Variants in KAZN observed in about 807,000 individuals in gnomAD.
KAZN encodes kazrin.
A neutral mutation model predicts 87.4 loss-of-function variants in KAZN; 40 were observed. That is an observed-to-expected ratio of 0.46 (90% CI 0.36 to 0.60). The LOEUF (loss-of-function observed/expected upper bound fraction) is 0.60, where lower values mean the gene tolerates loss of function less well. Ranked by LOEUF, KAZN falls within the 20% of genes least tolerant of loss-of-function variation. The pLI is 0.00. For missense variants in KAZN, 898 were observed against 1,073.9 expected (o/e 0.84, Z 2.29); for synonymous variants, 466 against 458.3 (o/e 1.02, Z -0.22).
chr1:14,528,468 C>T (rs1198217773), intron 2 of KAZN, among the ~76,000 whole-genome samples: 4 of 151,936 alleles, frequency 2.6e-5, no homozygotes, highest in East Asian at 3.9e-4. Context: ...TACCTATCCA[C>T]GTGATGACCT....
chr1:14,522,207 A>C (rs1489038792), intron 2 of KAZN, among the ~76,000 whole-genome samples: 2 of 152,162 alleles, frequency 1.3e-5, no homozygotes, highest in South Asian at 2.1e-4. Context: ...CTCCTGGCAT[A>C]GGCACGGCTG....
At chr1:15,022,974 C>T (rs1206559045) in intron 2 of KAZN, among the ~76,000 whole-genome samples, 1 of 152,228 alleles carries the variant, frequency 6.6e-6, no homozygotes, top group East Asian at 1.9e-4. Flanking sequence ...TTAACCCTTT[C>T]CTTTACCTGC....
chr1:14,933,070 G>T (rs560540591), intron 1 of KAZN, among the ~76,000 whole-genome samples: 1 of 152,094 alleles, frequency 6.6e-6, no homozygotes, highest in African/African-American at 2.4e-5. Flanking sequence ...GGATCACACC[G>T]TAGTTGCAGG....
intron 2 of KAZN, among the ~76,000 whole-genome samples, chr1:14,585,502 C>A (rs191649464): frequency 1.7e-3 from 254 of 152,270 alleles, no homozygotes; most frequent in African/African-American, 5.7e-3. Flanking sequence ...ACGTTCTTCC[C>A]ACGCAGGATC....
At chr1:14,420,647 T>C (rs565647733) in intron 2 of KAZN, among the ~76,000 whole-genome samples, 250 of 152,310 alleles carry the variant, frequency 1.6e-3, no homozygotes, top group African/African-American at 5.7e-3. Context: ...AGCCCTGCCA[T>C]GCCGGGAGGC....
At chr1:14,329,941 A>T (rs1407009077) in intron 2 of KAZN, among the ~76,000 whole-genome samples, 1 of 152,232 alleles carries the variant, frequency 6.6e-6, no homozygotes, top group Non-Finnish European at 1.5e-5. Context: ...TTCATAAAAC[A>T]TGCAATAAAT....
intron 2 of KAZN, among the ~76,000 whole-genome samples, chr1:14,962,586 C>G (rs1664009503): frequency 6.6e-6 from 1 of 152,232 alleles, no homozygotes; most frequent in Non-Finnish European, 1.5e-5. Flanking sequence ...GAATCTCCCA[C>G]AAGCAAGTGC....
At chr1:14,805,957 C>G (rs1177798933) in intron 1 of KAZN, among the ~76,000 whole-genome samples, 1 of 152,214 alleles carries the variant, frequency 6.6e-6, no homozygotes, top group Non-Finnish European at 1.5e-5. Flanking sequence ...GAACAACTAG[C>G]CTTAATGTGC....
At chr1:14,983,548 C>T (rs1456815831) in intron 2 of KAZN, among the ~76,000 whole-genome samples, 1 of 119,224 alleles carries the variant, frequency 8.4e-6, no homozygotes, top group African/African-American at 3.3e-5. Context: ...TATGCATTTA[C>T]CCTTTGACTC....
At chr1:15,112,235 C>T (rs138213140) in intron 13 of KAZN, 192 bp from the exon 14 acceptor site, 5 of 593,576 alleles carry the variant, frequency 8.4e-6, no homozygotes, top group Non-Finnish European at 1.2e-5. Context: ...AAGCCCCAGG[C>T]ATGTTGTGAG....
chr1:14,757,792 C>T (rs1644609944), intron 1 of KAZN, among the ~76,000 whole-genome samples: 1 of 152,198 alleles, frequency 6.6e-6, no homozygotes, highest in African/African-American at 2.4e-5. Context: ...GCACCTTCTA[C>T]ATCTTGCGTA....
intron 1 of KAZN, among the ~76,000 whole-genome samples, chr1:13,950,976 C>T (rs1162515682): frequency 3.3e-5 from 5 of 152,146 alleles, no homozygotes; most frequent in African/African-American, 4.8e-5. Context: ...GAAGATAGAA[C>T]GGGATGTTTC....
At chr1:14,938,318 G>A in intron 1 of KAZN, among the ~76,000 whole-genome samples, 1 of 152,176 alleles carries the variant, frequency 6.6e-6, no homozygotes, top group East Asian at 1.9e-4. Context: ...AAGGCAGGCG[G>A]ATCACCTGAG....
At chr1:15,013,687 G>A (rs1227807971) in intron 2 of KAZN, among the ~76,000 whole-genome samples, 1 of 151,886 alleles carries the variant, frequency 6.6e-6, no homozygotes, top group Admixed American at 6.6e-5. Flanking sequence ...CCTGGGAGGC[G>A]GAGGTTGAAT....
intron 1 of KAZN, among the ~76,000 whole-genome samples, chr1:14,898,534 G>C (rs1655509757): frequency 6.6e-6 from 1 of 152,174 alleles, no homozygotes; most frequent in African/African-American, 2.4e-5. Flanking sequence ...GGCAGGACAA[G>C]AGAAAGCAAA....
intron 1 of KAZN, among the ~76,000 whole-genome samples, chr1:14,936,286 T>A (rs1660447972): frequency 6.6e-6 from 1 of 152,204 alleles, no homozygotes; most frequent in Non-Finnish European, 1.5e-5. Context: ...TTGGAAGTGC[T>A]TCACTCACTC....
intron 1 of KAZN, among the ~76,000 whole-genome samples, chr1:14,102,218 A>T (rs1557476725): frequency 6.6e-6 from 1 of 151,974 alleles, no homozygotes; most frequent in Non-Finnish European, 1.5e-5. Context: ...GCATGGGTTT[A>T]CGTGCCCACA....
At chr1:14,224,824 C>T (rs1647206595) in intron 2 of KAZN, among the ~76,000 whole-genome samples, 1 of 152,142 alleles carries the variant, frequency 6.6e-6, no homozygotes, top group Non-Finnish European at 1.5e-5. Flanking sequence ...TTTGTAACAT[C>T]CGTTTGCTCC....
intron 1 of KAZN, among the ~76,000 whole-genome samples, chr1:14,694,973 C>T (rs548107206): frequency 5.9e-5 from 9 of 152,284 alleles, no homozygotes; most frequent in Admixed American, 5.9e-4. Context: ...AATGATGGCA[C>T]ATTTAAGCTG....
Sources: allele counts gnomAD v4.1 joint callset (sites outside exome capture counted in the v4.1 genomes callset), GRCh38; gene constraint gnomAD v4.1.1; transcripts MANE v1.5; gene names NCBI Gene and HGNC (gene_info 2026-07-23, HGNC 2026-07-21).